JARID2: variants seen among roughly 807,000 people sequenced by gnomAD.
The protein encoded by JARID2 is jumonji and AT-rich interaction domain containing 2.
In JARID2, 21 loss-of-function variants were observed where a neutral mutation model predicts 125.6. The observed-to-expected ratio is 0.17, with a 90% CI of 0.12 to 0.24. The LOEUF (loss-of-function observed/expected upper bound fraction) is 0.24. JARID2 is among the 10% of genes least tolerant of loss of function. The pLI is 1.00. For synonymous variants in JARID2, 736 were observed against 661.6 expected, an observed-to-expected ratio of 1.11 and a Z score of -1.73; for missense variants, 1,303 against 1,639.6, an observed-to-expected ratio of 0.79 and a Z score of 3.55.
intron 2 of JARID2, among the ~76,000 whole-genome samples, chr6:15,391,150 C>CT (rs1764986015): frequency 6.6e-6 from 1 of 151,992 alleles, no homozygotes; most frequent in Admixed American, 6.6e-5. Flanking sequence ...GGTTTGCCCC[C>CT]TTCTAGGTTC....
intron 4 of JARID2, among the ~76,000 whole-genome samples, chr6:15,461,346 A>G (rs1387121991): frequency 6.6e-6 from 1 of 152,222 alleles, no homozygotes. Flanking sequence ...TTGCAGATAG[A>G]ATACTACCCT....
intron 1 of JARID2, among the ~76,000 whole-genome samples, chr6:15,301,765 T>G (rs1761633008): frequency 6.6e-6 from 1 of 152,218 alleles, no homozygotes; most frequent in Non-Finnish European, 1.5e-5. Context: ...TTCAAATCAG[T>G]AAATGGGGCT....
At chr6:15,250,253 A>T (rs557573370) in intron 1 of JARID2, among the ~76,000 whole-genome samples, 2 of 151,752 alleles carry the variant, frequency 1.3e-5, no homozygotes, top group East Asian at 3.9e-4. Context: ...ATTTACTATA[A>T]TTACAACTAC....
chr6:15,512,037 G>C (rs562548268), intron 13 of JARID2, among the ~76,000 whole-genome samples, 171 bp from the exon 14 acceptor site: 4 of 152,352 alleles, frequency 2.6e-5, no homozygotes, highest in Admixed American at 6.5e-5. Flanking sequence ...TCTTGGACCA[G>C]TGCAGTTTAG....
intron 1 of JARID2, among the ~76,000 whole-genome samples, chr6:15,353,750 C>A (rs1470205576): frequency 1.3e-5 from 2 of 152,186 alleles, no homozygotes; most frequent in Non-Finnish European, 2.9e-5. Flanking sequence ...AAAAAAAATT[C>A]TTTTCAATCA....
In JARID2 at chr6:15,360,229, C is replaced by G. The variant is rs183110698; in HGVS notation, c.46-13888C>G. 2.0e-3 allele frequency among the ~76,000 whole-genome samples: 307 copies of G among 152,130 alleles called. 2 individuals carry two copies. The highest frequency in any genetic ancestry group is 7.2e-3 in the African/African-American group (297 of 41,482). On this transcript the variant is annotated intron_variant, in intron 1 of 17. Transcript: ENST00000341776. ...ACTGAGTCTCACTGTGTAGCCCAGG[C>G]TGAAGTGCAGTGGCATGATCTCAGT... is the stretch of plus-strand genomic sequence containing the variant.
chr6:15,519,012 C>T (rs1282025139), intron 17 of JARID2, among the ~76,000 whole-genome samples: 1 of 152,156 alleles, frequency 6.6e-6, no homozygotes, highest in Non-Finnish European at 1.5e-5. Flanking sequence ...AGTTTGGAGC[C>T]ATTTGTGTCT....
Position 15,309,681 on chromosome 6 carries a change from G to GTA in JARID2, c.45+63098_45+63099insAT, listed in dbSNP as rs1377506331. Among the ~76,000 whole-genome samples, 7 of 151,324 alleles carry GTA rather than the reference G, an allele frequency of 4.6e-5. No individual in the cohort carries two copies. The East Asian group carries it at 7.8e-4, about 17-fold the overall frequency. On this transcript the variant is annotated intron_variant, in intron 1 of 17. Transcript: ENST00000341776. ...TACATATATAAACGTGTGTGTGTGT[G>GTA]TGTATATATATATATGTATGCTTTG...
At chr6:15,270,949 AAAG>A (rs1760275584) in intron 1 of JARID2, among the ~76,000 whole-genome samples, 1 of 151,992 alleles carries the variant, frequency 6.6e-6, no homozygotes, top group Non-Finnish European at 1.5e-5. Context: ...TCAAAAAAAA[AAAG>A]GAGAGAAAAG....
intron 2 of JARID2, among the ~76,000 whole-genome samples, chr6:15,378,896 A>G (rs1221064767): frequency 1.3e-5 from 2 of 152,208 alleles, no homozygotes; most frequent in Non-Finnish European, 2.9e-5. Flanking sequence ...TACATGTGAC[A>G]TCTCCTGAAT....
intron 6 of JARID2, among the ~76,000 whole-genome samples, chr6:15,487,745 A>C (rs1000020201): frequency 2.0e-5 from 3 of 152,224 alleles, no homozygotes; most frequent in African/African-American, 7.2e-5. Flanking sequence ...TTGGATTTGC[A>C]TTCATCCCTG....
At chr6:15,337,706 T>TAAA (rs1762925862) in intron 1 of JARID2, among the ~76,000 whole-genome samples, 1 of 152,036 alleles carries the variant, frequency 6.6e-6, no homozygotes, top group South Asian at 2.1e-4. Context: ...TTAAACTGTT[T>TAAA]CTCTCTTTTT....
chr6:15,488,633 T>G (rs1396053297), intron 6 of JARID2, among the ~76,000 whole-genome samples: 2 of 152,136 alleles, frequency 1.3e-5, no homozygotes, highest in Non-Finnish European at 2.9e-5. Flanking sequence ...CCTTTCTCAT[T>G]CTTGGTGACG....
At chr6:15,407,101 A>G (rs1765681194) in intron 2 of JARID2, among the ~76,000 whole-genome samples, 2 of 152,148 alleles carry the variant, frequency 1.3e-5, no homozygotes, top group Non-Finnish European at 2.9e-5. Context: ...GTATAAAAAA[A>G]AAAGAAAAAA....
At chr6:15,404,428 A>G (rs1160703645) in intron 2 of JARID2, among the ~76,000 whole-genome samples, 5 of 151,994 alleles carry the variant, frequency 3.3e-5, no homozygotes, top group Non-Finnish European at 5.9e-5. Context: ...TTCACTATCA[A>G]TGGCAGCAAA....
At chr6:15,247,914 C>T (rs959489654) in intron 1 of JARID2, 2 of 985,366 alleles carry the variant, frequency 2.0e-6, no homozygotes, top group African/African-American at 3.5e-5. Context: ...AGAAACTGCA[C>T]TGAGGCAACC....
At chr6:15,462,199 A>T (rs545804476) in intron 4 of JARID2, among the ~76,000 whole-genome samples, 3 of 152,330 alleles carry the variant, frequency 2.0e-5, no homozygotes, top group African/African-American at 7.2e-5. Context: ...ATAATAGCAC[A>T]TGGAGCATCT....
intron 4 of JARID2, among the ~76,000 whole-genome samples, chr6:15,466,030 C>G (rs1048797291): frequency 2.0e-5 from 3 of 152,192 alleles, no homozygotes; most frequent in African/African-American, 7.2e-5. Context: ...TCTCGAACTC[C>G]TGACCTCAGG....
intron 1 of JARID2, among the ~76,000 whole-genome samples, chr6:15,348,806 A>C (rs1011312267): frequency 6.6e-6 from 1 of 152,234 alleles, no homozygotes; most frequent in African/African-American, 2.4e-5. Context: ...TAACCAGAGT[A>C]GGCTTTGCTG....
Sources: gnomAD v4.1 joint callset for allele counts (sites outside exome capture counted in the v4.1 genomes callset) on GRCh38, gnomAD v4.1.1 for gene constraint, MANE v1.5 for transcripts, NCBI Gene and HGNC (gene_info 2026-07-23, HGNC 2026-07-21) for gene names.